RSPO3: variants seen among roughly 807,000 people sequenced by gnomAD.
The protein encoded by RSPO3 is R-spondin-3.
Under a neutral mutation model 36.5 loss-of-function variants are expected in RSPO3, and 17 were observed. That is an observed-to-expected ratio of 0.47 (90% CI 0.32 to 0.70). The LOEUF (loss-of-function observed/expected upper bound fraction) is 0.70, where lower values mean the gene tolerates loss of function less well. Among genes scored for constraint, RSPO3 ranks in the 30% least tolerant of loss-of-function variants. The pLI, the probability that RSPO3 is intolerant of heterozygous loss-of-function variation, is 0.04. For synonymous variants in RSPO3, 108 were observed against 107.0 expected (o/e 1.01, Z -0.06); for missense variants, 294 against 322.5 (o/e 0.91, Z 0.68).
intron 4 of RSPO3, among the ~76,000 whole-genome samples, chr6:127,184,218 C>T (rs1334160127): frequency 6.6e-6 from 1 of 151,962 alleles, no homozygotes; most frequent in Non-Finnish European, 1.5e-5. Context: ...CTGTGAATTG[C>T]ATTTCCTTTT....
intron 4 of RSPO3, among the ~76,000 whole-genome samples, chr6:127,160,548 A>T (rs1774690349): frequency 6.6e-6 from 1 of 152,204 alleles, no homozygotes; most frequent in African/African-American, 2.4e-5. Flanking sequence ...GTACCATCTC[A>T]GAGGAAGTTC....
At chr6:127,154,368 TACAACCTGAGAAAGCC>T (rs1212394835) in intron 3 of RSPO3, among the ~76,000 whole-genome samples, 10 of 152,080 alleles carry the variant, frequency 6.6e-5, no homozygotes, top group Non-Finnish European at 1.2e-4. Context: ...AAAAATCTGT[TACAACCTGAGAAAGCC>T]GTTATTGAAA....
In RSPO3 at chr6:127,155,677, G is replaced by A. The variant is rs560973329; in HGVS notation, c.634+239G>A. Among the ~76,000 whole-genome samples, 60 of 152,172 alleles carry A rather than the reference G, an allele frequency of 3.9e-4. 1 individual carries two copies. Among genetic ancestry groups the A allele is most frequent in the African/African-American group, 1.3e-3 (55 of 41,544 alleles). ...TAATTGAATTATGATGAACTAGGCT[G>A]TATTGTAAGCATTCAGGGCATTATC... On this transcript the variant is annotated intron_variant, in intron 4 of 4. Transcript: ENST00000356698.
chr6:127,137,565 G>A (rs1477281853), intron 1 of RSPO3, among the ~76,000 whole-genome samples: 1 of 152,150 alleles, frequency 6.6e-6, no homozygotes, highest in African/African-American at 2.4e-5. Flanking sequence ...TGACTATATG[G>A]ATCTCAATAT....
At chr6:127,165,371 T>C (rs1774804135) in intron 4 of RSPO3, among the ~76,000 whole-genome samples, 1 of 152,054 alleles carries the variant, frequency 6.6e-6, no homozygotes, top group African/African-American at 2.4e-5. Flanking sequence ...ATTGTAAACA[T>C]CTGCTATGCT....
At chr6:127,124,486 C>A (rs1469804925) in intron 1 of RSPO3, among the ~76,000 whole-genome samples, 1 of 151,564 alleles carries the variant, frequency 6.6e-6, no homozygotes, top group Admixed American at 6.6e-5. Flanking sequence ...ACTATTTCTT[C>A]TAACAGTGCA....
At chr6:127,130,065 G>T (rs532788803) in intron 1 of RSPO3, among the ~76,000 whole-genome samples, 2 of 152,050 alleles carry the variant, frequency 1.3e-5, no homozygotes, top group African/African-American at 4.8e-5. Context: ...TAGAAACATG[G>T]TGTTGTAAGT....
At chr6:127,164,585 C>A (rs967742954) in intron 4 of RSPO3, among the ~76,000 whole-genome samples, 22 of 151,780 alleles carry the variant, frequency 1.4e-4, no homozygotes, top group African/African-American at 4.8e-4. Flanking sequence ...AAAAAATAAT[C>A]TACTATGCAT....
At chr6:127,125,213 G>A (rs1773916480) in intron 1 of RSPO3, among the ~76,000 whole-genome samples, 1 of 151,994 alleles carries the variant, frequency 6.6e-6, no homozygotes. Context: ...GCTTTTAACT[G>A]TCCTTATGTT....
At chr6:127,120,765 C>T (rs1480733689) in intron 1 of RSPO3, among the ~76,000 whole-genome samples, 1 of 152,258 alleles carries the variant, frequency 6.6e-6, no homozygotes, top group Non-Finnish European at 1.5e-5. Flanking sequence ...GGCCGGGCCT[C>T]ACCGCCTTTA....
chr6:127,119,407 A>C, intron 1 of RSPO3, 118 bp downstream of exon 1: 3 of 732,872 alleles, frequency 4.1e-6, no homozygotes, highest in South Asian at 3.5e-5. Context: ...CGCCTCGCAG[A>C]GGAGATGCAG....
chr6:127,122,045 C>A (rs1221041450), intron 1 of RSPO3, among the ~76,000 whole-genome samples: 5 of 152,078 alleles, frequency 3.3e-5, no homozygotes, highest in African/African-American at 1.2e-4. Context: ...TTTTTGTAAA[C>A]AAGAACATTC....
At chr6:127,193,758 G>T (rs1323520719) in intron 4 of RSPO3, among the ~76,000 whole-genome samples, 1 of 152,214 alleles carries the variant, frequency 6.6e-6, no homozygotes, top group East Asian at 1.9e-4. Flanking sequence ...ATTCAAGTCA[G>T]CACATCAAAT....
intron 4 of RSPO3, among the ~76,000 whole-genome samples, chr6:127,175,490 T>G (rs1775034630): frequency 6.6e-6 from 1 of 151,800 alleles, no homozygotes; most frequent in South Asian, 2.1e-4. Context: ...ACTACTTCAG[T>G]TATCAAATAA....
rs1775554380 is a variant in RSPO3, at chr6:127,198,246, TA to T, written c.*2243del. ...CTGAATCCTTGATGCTAAACTTATA[TA>T]AAAGTAGAATTATTACAAAGGAAAA... is the stretch of plus-strand genomic sequence containing the variant. On this transcript the variant is annotated 3_prime_UTR_variant, in exon 5 of 5. Coordinates refer to ENST00000356698, the MANE Select transcript of RSPO3 (RefSeq NM_032784.5). 6.6e-6 allele frequency among the ~76,000 whole-genome samples: 1 copy of T among 152,202 alleles called. No individual in the cohort carries two copies. Among genetic ancestry groups the T allele is most frequent in the Non-Finnish European group, 1.5e-5 (1 of 68,030 alleles).
intron 1 of RSPO3, among the ~76,000 whole-genome samples, chr6:127,134,587 T>G (rs1420518925): frequency 6.6e-6 from 1 of 152,196 alleles, no homozygotes; most frequent in Non-Finnish European, 1.5e-5. Flanking sequence ...CTTATGTAAC[T>G]TTGTTGATGA....
At chr6:127,165,144 T>G (rs987582343) in intron 4 of RSPO3, among the ~76,000 whole-genome samples, 1 of 152,064 alleles carries the variant, frequency 6.6e-6, no homozygotes, top group Non-Finnish European at 1.5e-5. Flanking sequence ...GAATAGTTGC[T>G]AATTCCAAAA....
chr6:127,146,679 G>A (rs1195301122), intron 1 of RSPO3, among the ~76,000 whole-genome samples: 1 of 152,040 alleles, frequency 6.6e-6, no homozygotes, highest in African/African-American at 2.4e-5. Flanking sequence ...GGATTGGCAT[G>A]GACCAATATG....
At chr6:127,165,483 A>G (rs963277465) in intron 4 of RSPO3, among the ~76,000 whole-genome samples, 1 of 152,022 alleles carries the variant, frequency 6.6e-6, no homozygotes, top group Non-Finnish European at 1.5e-5. Flanking sequence ...AAAGTATTTC[A>G]TTGGCAAACC....
Sources: allele counts gnomAD v4.1 joint callset (sites outside exome capture counted in the v4.1 genomes callset), GRCh38; gene constraint gnomAD v4.1.1; transcripts MANE v1.5; gene names NCBI Gene and HGNC (gene_info 2026-07-23, HGNC 2026-07-21).